Variants in HCN2 observed in about 807,000 individuals in gnomAD.
The protein encoded by HCN2 is hyperpolarization activated cyclic nucleotide gated potassium and sodium channel 2, also known as potassium/sodium hyperpolarization-activated cyclic nucleotide-gated channel 2.
HCN2 carries 20 observed loss-of-function variants against 52.3 expected under a neutral mutation model. The ratio of observed to expected loss-of-function variants is 0.38; its 90% CI spans 0.27 to 0.56. The LOEUF is 0.56. HCN2 is among the 20% of genes least tolerant of loss of function. The pLI, the probability that HCN2 is intolerant of heterozygous loss-of-function variation, is 0.71. For synonymous variants in HCN2, 694 were observed against 537.0 expected, an observed-to-expected ratio of 1.29 and a Z score of -4.04; for missense variants, 981 against 1,207.7, an observed-to-expected ratio of 0.81 and a Z score of 2.78.
At position 603,891 on chromosome 19, in the gene HCN2, G is replaced by C. The variant is rs1214137659; in HGVS notation, c.980G>C (p.Arg327Pro). Residue 327 changes from arginine to proline, a missense_variant, in exon 2 of 8, where the codon CGC becomes CCC. By Grantham distance (103) the Arg-to-Pro change is moderately radical (BLOSUM62 -2). Transcript: ENST00000251287. ...YKTARALRIV[R>P]FTKILSLLRL... ...ACGGCACGCGCCCTGCGCATCGTGC[G>C]CTTCACCAAGATCCTCAGCCTCCTG... The C allele has an allele frequency of 6.2e-7, 1 of 1,612,106 alleles. No individual in the cohort carries two copies. The highest frequency in any genetic ancestry group is 8.5e-7 in the Non-Finnish European group (1 of 1,179,780).
chr19:605,275 G>C, intron 3 of HCN2, 53 bp downstream of exon 3: 1 of 1,576,180 alleles, frequency 6.3e-7, no homozygotes, highest in Non-Finnish European at 8.7e-7. Flanking sequence ...CATACAGAGG[G>C]GGGACCCAGG....
intron 7 of HCN2, among the ~76,000 whole-genome samples, chr19:615,314 C>T (rs1447342304): frequency 1.3e-5 from 2 of 152,006 alleles, no homozygotes; most frequent in Non-Finnish European, 2.9e-5. Context: ...TTGAGACCAT[C>T]CTGGCTAACA....
chr19:591,985 G>A lies in HCN2; in HGVS notation c.632+1408G>A, dbSNP rs1180711719. On this transcript the variant is annotated intron_variant, in intron 1 of 7. Coordinates refer to ENST00000251287, the MANE Select transcript of HCN2 (RefSeq NM_001194.4). The surrounding 1 kb of genome is among the most constrained non-coding windows in gnomAD (Gnocchi z 4.1). ...GCCTGGATTTCGAGACAGGCCAGGGGTGGGAGGAGCCCCGAAATCCCCAGA... is the reference window on the plus strand; with the variant it reads ...GCCTGGATTTCGAGACAGGCCAGGGATGGGAGGAGCCCCGAAATCCCCAGA... 6.6e-6 allele frequency among the ~76,000 whole-genome samples: 1 copy of A among 152,200 alleles called. No individual in the cohort carries two copies. Among genetic ancestry groups the A allele is most frequent in the Non-Finnish European group, 1.5e-5 (1 of 68,024 alleles).
chr19:599,713 T>G (rs1441175083), intron 1 of HCN2, among the ~76,000 whole-genome samples: 3 of 151,778 alleles, frequency 2.0e-5, no homozygotes, highest in African/African-American at 4.8e-5. Context: ...GTGTGAACCC[T>G]GGAGGCGGAG....
chr19:616,411 C>T lies in HCN2; in HGVS notation c.2607C>T (p.Pro869=), dbSNP rs1322972277. Residue 869 remains proline (P), a synonymous_variant, in exon 8 of 8, where the codon CCC becomes CCT. Coordinates refer to ENST00000251287, the MANE Select transcript of HCN2 (RefSeq NM_001194.4). ...PSPDRRDSAS[P]GAAGGLDPQD... ...CGGACCGCAGGGACTCGGCCTCACC[C>T]GGCGCCGCCGGCGGCCTGGACCCCC... is the stretch of plus-strand genomic sequence containing the variant. 1.4e-5 allele frequency: 17 copies of T among 1,237,850 alleles called. No homozygotes were observed. Among genetic ancestry groups the T allele is most frequent in the Non-Finnish European group, 1.3e-5 (13 of 988,010 alleles). The allele number at this position is 1,237,850 out of a possible 1,614,324, so 76.7% of individuals were successfully genotyped here.
chr19:595,831 CCGAGGCT>C (rs1228231696), intron 1 of HCN2, among the ~76,000 whole-genome samples: 1 of 152,256 alleles, frequency 6.6e-6, no homozygotes, highest in African/African-American at 2.4e-5. Context: ...ATCCCCCGGC[CCGAGGCT>C]CTCCCTTAAT....
rs1259724375 is a variant in HCN2, at chr19:613,875, C to T, written c.1849C>T (p.Arg617Cys). ...FGEICLLTRG[R>C]RTASVRADTY... ...AGAGATCTGCCTGCTCACCCGGGGC[C>T]GCCGCACGGCGAGCGTGCGGGCTGA... Residue 617 changes from arginine to cysteine, a missense_variant, in exon 7 of 8, where the codon CGC becomes TGC. Around this residue, in one of 6 missense-constraint regions of HCN2, gnomAD observed 85 missense variants for 106.1 expected, o/e 0.80. Transcript: ENST00000251287. 2 of 1,590,588 alleles carry T rather than the reference C, an allele frequency of 1.3e-6. No homozygotes were observed. Among genetic ancestry groups the T allele is most frequent in the African/African-American group, 1.4e-5 (1 of 72,462 alleles).
chr19:594,163 C>T (rs1019112815), intron 1 of HCN2, among the ~76,000 whole-genome samples: 10 of 152,040 alleles, frequency 6.6e-5, no homozygotes, highest in South Asian at 4.2e-4. Flanking sequence ...CAGGGAGGGG[C>T]GGTCTGAGGA....
rs757884721 is a variant in HCN2 at position 614,000 on chromosome 19, C to T, written c.1974C>T (p.Asp658=). 2.5e-6 allele frequency: 3 copies of T among 1,215,082 alleles called. No individual in the cohort carries two copies. The highest frequency in any genetic ancestry group is 1.4e-5 in the South Asian group (1 of 73,062). The allele number at this position is 1,215,082 out of a possible 1,614,324, so 75.3% of individuals were successfully genotyped here. The change falls in exon 7 of 8, where the codon GAC becomes GAT. Residue 658 remains aspartate, a synonymous_variant. Transcript: ENST00000251287. ...GCGCCTTCGAGACGGTGGCCATCGA[C>T]CGCCTGGACCGCATCGGTGAGCGGG... ...MRRAFETVAI[D]RLDRIGKKNS... is the part of the protein sequence containing the mutation.
chr19:609,356 A>G (rs1427610243), intron 4 of HCN2, among the ~76,000 whole-genome samples: 3 of 152,146 alleles, frequency 2.0e-5, no homozygotes, highest in African/African-American at 7.2e-5. Context: ...TGGAAAGATC[A>G]TCAGGGAAGG....
At chr19:615,154 G>C (rs75591466) in intron 7 of HCN2, among the ~76,000 whole-genome samples, 2,501 of 152,214 alleles carry the variant, frequency 0.016, 76 homozygotes, top group African/African-American at 0.057. Context: ...AGCGTATACA[G>C]GTGGTACACA....
chr19:599,847 C>CGTGTGTGTGTGTGT (rs34793549), intron 1 of HCN2, among the ~76,000 whole-genome samples: 143 of 133,394 alleles, frequency 1.1e-3, no homozygotes, highest in Non-Finnish European at 1.5e-3. Context: ...GAAGGGGTCC[C>CGTGTGTGTGTGTGT]GTGTGTGTGT....
At chr19:614,722 T>C (rs1983821904) in intron 7 of HCN2, among the ~76,000 whole-genome samples, 1 of 151,110 alleles carries the variant, frequency 6.6e-6, no homozygotes, top group Non-Finnish European at 1.5e-5. Context: ...CAGGGAGCCA[T>C]GGAGGGTTCT....
chr19:601,099 G>C (rs1983188153), intron 1 of HCN2, among the ~76,000 whole-genome samples: 1 of 152,200 alleles, frequency 6.6e-6, no homozygotes, highest in South Asian at 2.1e-4. Flanking sequence ...AGGATCATGA[G>C]GTCAGGGTTT....
At chr19:594,699 G>C (rs1383301230) in intron 1 of HCN2, among the ~76,000 whole-genome samples, 2 of 152,136 alleles carry the variant, frequency 1.3e-5, no homozygotes. Context: ...ATCCTGGGGG[G>C]ATGGCCCCGG....
chr19:608,203 G>C (rs374789532), intron 4 of HCN2, 21 bp downstream of exon 4: 1 of 1,606,824 alleles, frequency 6.2e-7, no homozygotes, highest in South Asian at 1.1e-5. Flanking sequence ...GGCGGGCCCC[G>C]GCCTGGGTTC....
chr19:609,109 G>A (rs1205659477), intron 4 of HCN2, among the ~76,000 whole-genome samples: 2 of 152,204 alleles, frequency 1.3e-5, no homozygotes, highest in African/African-American at 4.8e-5. Context: ...TGGGCCCCGT[G>A]CCAGGCGCCC....
At chr19:594,253 G>T (rs1310376218) in intron 1 of HCN2, among the ~76,000 whole-genome samples, 1 of 152,174 alleles carries the variant, frequency 6.6e-6, no homozygotes, top group Non-Finnish European at 1.5e-5. Flanking sequence ...ACCTGGCGGG[G>T]TGGAGACCTG....
At chr19:608,880 G>GCGT in intron 4 of HCN2, among the ~76,000 whole-genome samples, 1 of 152,332 alleles carries the variant, frequency 6.6e-6, no homozygotes, top group South Asian at 2.1e-4. Flanking sequence ...CTGGCCTGCA[G>GCGT]CGTCCATTGG....
Sources: gnomAD v4.1 joint callset for allele counts (sites outside exome capture counted in the v4.1 genomes callset) on GRCh38, gnomAD v4.1.1 for gene constraint, gnomAD v4.1.1 regional missense constraint, Gnocchi (gnomAD v3.1) non-coding constraint, MANE v1.5 for transcripts, NCBI Gene and HGNC (gene_info 2026-07-23, HGNC 2026-07-21) for gene names.